The following SYTL3 variants were observed in gnomAD, a reference collection of about 807,000 sequenced individuals.
SYTL3 encodes synaptotagmin-like protein 3.
SYTL3 carries 88 observed loss-of-function variants against 82.1 expected under a neutral mutation model. The ratio of observed to expected loss-of-function variants is 1.07; its 90% CI spans 0.90 to 1.28. SYTL3 has a LOEUF of 1.28. Ranked by LOEUF, SYTL3 falls within the 50% of genes most tolerant of loss-of-function variation. The pLI is 0.00. For missense variants in SYTL3, 831 were observed against 757.6 expected (o/e 1.10, Z -1.14); for synonymous variants, 311 against 289.4 (o/e 1.07, Z -0.76).
rs143947082 is a variant in SYTL3 at position 158,701,550 on chromosome 6, G to GC, written c.395-5680_395-5679insC. On this transcript the variant is annotated intron_variant, in intron 6 of 17. Coordinates refer to ENST00000611299, the MANE Select transcript of SYTL3 (RefSeq NM_001242394.2). Reference sequence around the variant, plus strand: ...GGGTGTAGATGAAGAGCTGTTCTGGGGGGGAGGAGGCGTGGGGAGAGGCAC... The same window carrying GC: ...GGGTGTAGATGAAGAGCTGTTCTGGGCGGGGAGGAGGCGTGGGGAGAGGCAC... Among the ~76,000 whole-genome samples the GC allele has an allele frequency of 4.4e-3, 661 of 150,284 alleles. 23 individuals are homozygous for GC. In the South Asian group the frequency reaches 0.06, roughly 14 times the overall value.
At chr6:158,725,775 A>G (rs1784658187) in intron 11 of SYTL3, 138 bp downstream of exon 11, 5 of 1,172,848 alleles carry the variant, frequency 4.3e-6, no homozygotes, top group Non-Finnish European at 6.1e-6. Flanking sequence ...TTTATTATCC[A>G]TCCTTCCATT....
chr6:158,679,717 G>A (rs577905337), intron 5 of SYTL3, among the ~76,000 whole-genome samples: 24 of 152,282 alleles, frequency 1.6e-4, no homozygotes, highest in Admixed American at 6.5e-4. Flanking sequence ...GATGATTCGC[G>A]CTGGGTGACT....
intron 2 of SYTL3, among the ~76,000 whole-genome samples, chr6:158,655,427 G>A (rs1031533345): frequency 9.2e-5 from 14 of 152,176 alleles, no homozygotes; most frequent in Non-Finnish European, 1.9e-4. Flanking sequence ...TGGGGGAATC[G>A]CTGAAATCTG....
intron 11 of SYTL3, chr6:158,725,957 C>T (rs573594273): frequency 2.5e-5 from 17 of 670,102 alleles, no homozygotes; most frequent in East Asian, 1.7e-4. Context: ...AGGAGGGCGC[C>T]GGTCAGCTTC....
At chr6:158,695,176 G>T (rs1048943431) in intron 6 of SYTL3, among the ~76,000 whole-genome samples, 1 of 152,158 alleles carries the variant, frequency 6.6e-6, no homozygotes, top group African/African-American at 2.4e-5. Context: ...AGACCTTACG[G>T]CTGGCAAAGC....
At chr6:158,741,763 A>AT (rs1220002670) in intron 11 of SYTL3, among the ~76,000 whole-genome samples, 1 of 152,140 alleles carries the variant, frequency 6.6e-6, no homozygotes, top group African/African-American at 2.4e-5. Context: ...CAAAATGATG[A>AT]TTTTTTTGAC....
chr6:158,729,564 T>C (rs1184402861), intron 11 of SYTL3, among the ~76,000 whole-genome samples: 2 of 148,350 alleles, frequency 1.3e-5, no homozygotes, highest in African/African-American at 5.0e-5. Context: ...TACTTTCTTT[T>C]TCTTTTTTTT....
At chr6:158,699,967 A>AAAAG (rs1780995273) in intron 6 of SYTL3, among the ~76,000 whole-genome samples, 2 of 152,016 alleles carry the variant, frequency 1.3e-5, no homozygotes, top group African/African-American at 4.8e-5. Flanking sequence ...ATAATAAAAA[A>AAAAG]TAAATAGGCT....
At chr6:158,680,546 C>G (rs1778544800) in intron 5 of SYTL3, among the ~76,000 whole-genome samples, 2 of 131,830 alleles carry the variant, frequency 1.5e-5, no homozygotes, top group South Asian at 4.7e-4. Context: ...TGAGACCAGA[C>G]TGGGCAACAT....
intron 13 of SYTL3, among the ~76,000 whole-genome samples, chr6:158,753,450 G>C (rs1562463954): frequency 6.6e-6 from 1 of 151,974 alleles, no homozygotes; most frequent in Non-Finnish European, 1.5e-5. Context: ...CAGATTCTGG[G>C]CCGGGCGCGG....
chr6:158,667,707 A>C (rs1790249243), intron 5 of SYTL3, among the ~76,000 whole-genome samples: 1 of 152,212 alleles, frequency 6.6e-6, no homozygotes, highest in Non-Finnish European at 1.5e-5. Context: ...GATGAGGAAA[A>C]TTGGTTTTTA....
intron 11 of SYTL3, among the ~76,000 whole-genome samples, chr6:158,731,852 C>T (rs946951563): frequency 5.3e-5 from 8 of 152,212 alleles, no homozygotes; most frequent in Non-Finnish European, 1.0e-4. Flanking sequence ...CTTGGCCTTC[C>T]AAAGTGCTGG....
chr6:158,759,321 C>A (rs1243535126), intron 14 of SYTL3, among the ~76,000 whole-genome samples: 1 of 152,200 alleles, frequency 6.6e-6, no homozygotes, highest in East Asian at 1.9e-4. Flanking sequence ...TGTTCCGCCT[C>A]GGTTTCTGGC....
At chr6:158,678,704 C>G (rs1311480969) in intron 5 of SYTL3, among the ~76,000 whole-genome samples, 1 of 152,170 alleles carries the variant, frequency 6.6e-6, no homozygotes, top group Non-Finnish European at 1.5e-5. Flanking sequence ...ATTTGTAATT[C>G]TAGTGATCCT....
rs1789569483 is a variant in SYTL3 at position 158,663,196 on chromosome 6, C to G, written c.-73C>G. On this transcript the variant is annotated 5_prime_UTR_variant, in exon 4 of 18. Coordinates refer to ENST00000611299, the MANE Select transcript of SYTL3 (RefSeq NM_001242394.2). ...CTGGCTGCAGCTGGCCTCCGCCGCT[C>G]ATCTGCAGGGCGTGAGCGCTTGGTC... 3 of 1,383,374 alleles carry G rather than the reference C, an allele frequency of 2.2e-6. No homozygotes were observed. Among genetic ancestry groups the G allele is most frequent in the Admixed American group, 1.8e-5 (1 of 56,384 alleles). The allele number at this position is 1,383,374 out of a possible 1,614,324, so 85.7% of individuals were successfully genotyped here.
chr6:158,692,961 A>G (rs1316078475), intron 6 of SYTL3, among the ~76,000 whole-genome samples: 5 of 150,966 alleles, frequency 3.3e-5, no homozygotes, highest in African/African-American at 7.3e-5. Context: ...AAAAAAAAGA[A>G]AAAAAAAAGC....
intron 9 of SYTL3, among the ~76,000 whole-genome samples, chr6:158,717,767 A>C (rs1783593781): frequency 6.6e-6 from 1 of 152,126 alleles, no homozygotes; most frequent in South Asian, 2.1e-4. Flanking sequence ...GTGCACACAC[A>C]TATGTGTGAC....
chr6:158,650,269 A>G (rs190504090), intron 1 of SYTL3, among the ~76,000 whole-genome samples, 191 bp downstream of exon 1: 260 of 152,338 alleles, frequency 1.7e-3, no homozygotes, highest in African/African-American at 6.0e-3. Context: ...AACATTTGAG[A>G]TAATAATGAT....
chr6:158,750,857 G>A (rs1168323326), intron 12 of SYTL3, among the ~76,000 whole-genome samples: 3 of 152,082 alleles, frequency 2.0e-5, no homozygotes, highest in East Asian at 3.9e-4. Flanking sequence ...GTGCAGTGGC[G>A]CGATCTCGGC....
Sources: allele counts gnomAD v4.1 joint callset (sites outside exome capture counted in the v4.1 genomes callset), GRCh38; gene constraint gnomAD v4.1.1; transcripts MANE v1.5; gene names NCBI Gene and HGNC (gene_info 2026-07-23, HGNC 2026-07-21).